Variants in SPATA24 observed in about 807,000 individuals in gnomAD.
SPATA24 encodes the protein spermatogenesis associated 24.
In SPATA24, 21 loss-of-function variants were observed where a neutral mutation model predicts 28.9. The observed-to-expected ratio is 0.73, with a 90% confidence interval of 0.52 to 1.05. SPATA24 has a LOEUF of 1.05. Among genes scored for constraint, SPATA24 ranks in the 50% least tolerant of loss-of-function variants. The pLI is 0.00. For missense variants in SPATA24, 215 were observed against 242.9 expected (o/e 0.88, Z 0.76); for synonymous variants, 76 against 89.9 (o/e 0.85, Z 0.88).
chr5:139,402,901 G>GT (rs2152079785), intron 1 of SPATA24, among the ~76,000 whole-genome samples: 1 of 152,338 alleles, frequency 6.6e-6, no homozygotes, highest in South Asian at 2.1e-4. Context: ...CATGGAGGAG[G>GT]CAGTCCACAG....
chr5:139,397,178 C>T, intron 4 of SPATA24, 35 bp from the exon 5 acceptor site: 2 of 1,504,094 alleles, frequency 1.3e-6, no homozygotes, highest in Non-Finnish European at 1.8e-6. Flanking sequence ...AGGGGTGGTT[C>T]CCATCCCAGG....
At chr5:139,400,445 T>C (rs1758797241) in intron 4 of SPATA24, among the ~76,000 whole-genome samples, 1 of 151,852 alleles carries the variant, frequency 6.6e-6, no homozygotes, top group Admixed American at 6.6e-5. Context: ...TAGCTGGTAT[T>C]ACAGGTGCCC....
At chr5:139,400,308 T>TTC (rs1426133412) in intron 4 of SPATA24, among the ~76,000 whole-genome samples, 1 of 150,500 alleles carries the variant, frequency 6.6e-6, no homozygotes, top group Admixed American at 6.6e-5. Context: ...CCTACTTTTT[T>TTC]TTTTTTTTTT....
At chr5:139,393,550 A>T (rs753748712), downstream of SPATA24, 1 of 1,551,260 alleles carries the variant, frequency 6.4e-7, no homozygotes, top group Non-Finnish European at 8.7e-7. Context: ...CCAAGTTCCA[A>T]TAGGACGATC....
At chr5:139,403,740 G>A (rs950632353) in intron 1 of SPATA24, among the ~76,000 whole-genome samples, 1 of 152,200 alleles carries the variant, frequency 6.6e-6, no homozygotes, top group African/African-American at 2.4e-5. Flanking sequence ...GGGAGAATAT[G>A]GCTTGATTTT....
chr5:139,395,758 G>A (rs1758692418), downstream of SPATA24: 1 of 152,318 alleles, frequency 6.6e-6, no homozygotes, highest in African/African-American at 2.4e-5. Flanking sequence ...CCCTCGGTGG[G>A]ACCTATTGGA....
downstream of SPATA24, chr5:139,393,351 C>G: frequency 6.4e-7 from 1 of 1,551,420 alleles, no homozygotes; most frequent in Non-Finnish European, 8.7e-7. Flanking sequence ...ACTGCTGACT[C>G]CCTCCAAAGG....
At chr5:139,394,705 G>T (rs763906406), downstream of SPATA24, 150 of 1,533,162 alleles carry the variant, frequency 9.8e-5, 1 homozygote, top group Non-Finnish European at 1.3e-4. Flanking sequence ...GCGATCGTCT[G>T]CGCCGGAGCA....
chr5:139,402,392 T>C (rs557465903), intron 2 of SPATA24, among the ~76,000 whole-genome samples: 2 of 150,414 alleles, frequency 1.3e-5, no homozygotes, highest in East Asian at 3.9e-4. Flanking sequence ...CTAATATATA[T>C]ATATGTATAT....
At chr5:139,393,285 G>C, downstream of SPATA24, 5 of 1,550,160 alleles carry the variant, frequency 3.2e-6, no homozygotes, top group Non-Finnish European at 4.4e-6. Flanking sequence ...ACTTATCCGC[G>C]TCCAGGGTGC....
chr5:139,397,505 CA>C (rs1236185497), intron 4 of SPATA24, among the ~76,000 whole-genome samples: 1 of 151,734 alleles, frequency 6.6e-6, no homozygotes. Context: ...TCTCCCTCAT[CA>C]AAAAATTACA....
intron 4 of SPATA24, among the ~76,000 whole-genome samples, chr5:139,399,819 T>C (rs1204586776): frequency 2.6e-5 from 4 of 152,176 alleles, no homozygotes; most frequent in Admixed American, 2.0e-4. Context: ...AGCCAGGACC[T>C]GTCCCCATGA....
downstream of SPATA24, chr5:139,396,171 G>A: frequency 1.0e-6 from 1 of 985,358 alleles, no homozygotes; most frequent in Non-Finnish European, 1.2e-6. Context: ...TCTGACCCCT[G>A]AAGTGGGTCC....
At chr5:139,393,663 G>A, downstream of SPATA24, 1 of 1,550,710 alleles carries the variant, frequency 6.4e-7, no homozygotes, top group Admixed American at 2.0e-5. Flanking sequence ...AAGGGGCTTC[G>A]AGGGACGGGC....
downstream of SPATA24, chr5:139,393,096 T>A (rs1758628186): frequency 6.6e-7 from 1 of 1,523,024 alleles, no homozygotes. Flanking sequence ...GCGTCTTGGA[T>A]TCGCCGCCCT....
At chr5:139,396,752 G>A (rs1233184198), downstream of SPATA24, 2 of 1,551,456 alleles carry the variant, frequency 1.3e-6, no homozygotes, top group Non-Finnish European at 1.7e-6. Flanking sequence ...GAGCAGAGAA[G>A]GCAGAGGCTG....
At chr5:139,401,648 C>G (rs777535154) in intron 4 of SPATA24, 107 bp downstream of exon 4, 12 of 1,260,390 alleles carry the variant, frequency 9.5e-6, no homozygotes, top group African/African-American at 1.5e-5. Context: ...GTATCCTCAG[C>G]TGGGGACAGG....
At chr5:139,401,529 A>C (rs1032308372) in intron 4 of SPATA24, 1 of 663,932 alleles carries the variant, frequency 1.5e-6, no homozygotes, top group African/African-American at 1.8e-5. Flanking sequence ...GAGCAAGCCC[A>C]TTCCTTTATG....
In SPATA24 at chr5:139,397,035, C is replaced by G. The variant is rs1182121982; in HGVS notation, c.488+6G>C. ...AACAACCCCCAGCCGGGCCCAGACC[C>G]CTCACCTGAAGATCTGTTTCTGCTG... On this transcript the variant is annotated splice_donor_region_variant and intron_variant, in intron 5 of 5. Coordinates refer to ENST00000450845, the MANE Select transcript of SPATA24 (RefSeq NM_194296.2). 5 of 1,551,590 alleles carry G rather than the reference C, an allele frequency of 3.2e-6. No individual in the cohort carries two copies. The highest frequency in any genetic ancestry group is 4.4e-6 in the Non-Finnish European group (5 of 1,146,992).
Sources: gnomAD v4.1 joint callset for allele counts (sites outside exome capture counted in the v4.1 genomes callset) on GRCh38, gnomAD v4.1.1 for gene constraint, MANE v1.5 for transcripts, NCBI Gene and HGNC (gene_info 2026-07-23, HGNC 2026-07-21) for gene names.